CSMD1: variants seen among roughly 807,000 people sequenced by gnomAD.
CSMD1 encodes the protein CUB and sushi domain-containing protein 1.
CSMD1 carries 213 observed loss-of-function variants against 417.5 expected under a neutral mutation model. That is an observed-to-expected ratio of 0.51 (90% CI 0.46 to 0.57). CSMD1 has a LOEUF of 0.57. Ranked by LOEUF, CSMD1 falls within the 20% of genes least tolerant of loss-of-function variation. The probability of loss-of-function intolerance (pLI) is 0.00; values close to 1 mark genes in which losing one functional copy is unlikely to be tolerated. For synonymous variants in CSMD1, 2,862 were observed against 1,736.8 expected, an observed-to-expected ratio of 1.65 and a Z score of -16.11; for missense variants, 6,923 against 4,529.7, an observed-to-expected ratio of 1.53 and a Z score of -15.17.
intron 1 of CSMD1, among the ~76,000 whole-genome samples, chr8:4,695,600 C>A (rs889118571): frequency 6.6e-6 from 1 of 152,096 alleles, no homozygotes; most frequent in Admixed American, 6.5e-5. Context: ...ATCCCCCCCA[C>A]CACACAGCCT....
intron 1 of CSMD1, among the ~76,000 whole-genome samples, chr8:4,734,338 G>A (rs1585017025): frequency 6.6e-6 from 1 of 152,116 alleles, no homozygotes; most frequent in East Asian, 1.9e-4. Context: ...TCACAGTATA[G>A]CTTATTATAT....
At chr8:4,084,650 C>A (rs1435546701) in intron 3 of CSMD1, among the ~76,000 whole-genome samples, 1 of 152,040 alleles carries the variant, frequency 6.6e-6, no homozygotes, top group East Asian at 1.9e-4. Context: ...AGTGATGGCA[C>A]AACATTAGCA....
At chr8:4,261,823 T>C (rs1158499329) in intron 3 of CSMD1, among the ~76,000 whole-genome samples, 1 of 152,218 alleles carries the variant, frequency 6.6e-6, no homozygotes, top group Non-Finnish European at 1.5e-5. Context: ...TCACATTATA[T>C]ACCTTATATG....
intron 3 of CSMD1, among the ~76,000 whole-genome samples, chr8:4,112,205 G>A (rs1801893313): frequency 6.6e-6 from 1 of 152,104 alleles, no homozygotes; most frequent in Admixed American, 6.5e-5. Context: ...TCAAGAACCA[G>A]TAACACCTCT....
intron 26 of CSMD1, among the ~76,000 whole-genome samples, chr8:3,247,731 C>A (rs1445609427): frequency 6.6e-6 from 1 of 152,148 alleles, no homozygotes; most frequent in African/African-American, 2.4e-5. Context: ...CATGTGCAGG[C>A]ACAGAATGAA....
chr8:3,671,330 A>G (rs967501146), intron 7 of CSMD1, among the ~76,000 whole-genome samples: 8 of 148,218 alleles, frequency 5.4e-5, no homozygotes, highest in Non-Finnish European at 7.4e-5. Flanking sequence ...TTATGTGGAA[A>G]TTATTACATG....
At chr8:4,731,712 A>G (rs1417259774) in intron 1 of CSMD1, among the ~76,000 whole-genome samples, 1 of 152,148 alleles carries the variant, frequency 6.6e-6, no homozygotes, top group African/African-American at 2.4e-5. Flanking sequence ...CAATGGGTTC[A>G]CGAGGACCCA....
At chr8:4,467,122 T>TAAAAAAAAAAAAAAAAA (rs35481238) in intron 2 of CSMD1, among the ~76,000 whole-genome samples, 1 of 86,246 alleles carries the variant, frequency 1.2e-5, no homozygotes, top group East Asian at 3.4e-4. Flanking sequence ...TTCTTCAGAG[T>TAAAAAAAAAAAAAAAAA]AAAAAAAAAA....
At chr8:3,881,834 A>T (rs1219898395) in intron 5 of CSMD1, among the ~76,000 whole-genome samples, 1 of 152,120 alleles carries the variant, frequency 6.6e-6, no homozygotes, top group African/African-American at 2.4e-5. Flanking sequence ...AAGCAAATCC[A>T]CACTGCTCAG....
intron 1 of CSMD1, among the ~76,000 whole-genome samples, chr8:4,904,726 T>C (rs1361415145): frequency 2.0e-5 from 3 of 152,326 alleles, no homozygotes; most frequent in Admixed American, 1.3e-4. Flanking sequence ...GTAAATGTGA[T>C]CTTAAAGCAA....
At chr8:4,504,907 A>G (rs1802443435) in intron 2 of CSMD1, among the ~76,000 whole-genome samples, 1 of 152,166 alleles carries the variant, frequency 6.6e-6, no homozygotes, top group South Asian at 2.1e-4. Flanking sequence ...GTTGGTTCCA[A>G]GTCTTTGTTA....
chr8:3,911,926 T>A (rs1808491163), intron 5 of CSMD1, among the ~76,000 whole-genome samples: 1 of 152,228 alleles, frequency 6.6e-6, no homozygotes, highest in African/African-American at 2.4e-5. Flanking sequence ...GATTCTCCTC[T>A]ATGTGTTTTC....
rs1317907258 is a variant in CSMD1 at position 3,201,649 on chromosome 8, C to G, written c.5061G>C (p.Gln1687His). 1 of 1,606,052 alleles carries G rather than the reference C, an allele frequency of 6.2e-7. No homozygotes were observed. The highest frequency in any genetic ancestry group is 8.5e-7 in the Non-Finnish European group (1 of 1,176,138). Residue 1687 changes from glutamine (Q) to histidine (H), a missense_variant, in exon 32 of 70, where the codon CAG (glutamine) becomes CAC (histidine). Gln to His is a conservative substitution (Grantham distance 24). Transcript: ENST00000635120. Reference sequence around the variant, plus strand: ...CCGAGAGTGAGCTGAGAAGTCTGGCCTGTGCATGGGTTCCATCAAATAATT... The same window carrying G: ...CCGAGAGTGAGCTGAGAAGTCTGGCGTGTGCATGGGTTCCATCAAATAATT... Reference protein sequence around the residue: ...LAELFDGTHAQARLLSSLSGS... With the variant: ...LAELFDGTHAHARLLSSLSGS...
chr8:4,144,533 C>T (rs920393931), intron 3 of CSMD1, among the ~76,000 whole-genome samples: 1 of 151,048 alleles, frequency 6.6e-6, no homozygotes, highest in Non-Finnish European at 1.5e-5. Flanking sequence ...TACCCCTTCC[C>T]TCCAGAATCT....
chr8:3,613,258 C>G (rs1393619690), intron 8 of CSMD1: 2 of 421,910 alleles, frequency 4.7e-6, no homozygotes, highest in Non-Finnish European at 9.5e-6. Context: ...AAAAGAAATT[C>G]AATCCGTAAT....
At chr8:3,605,288 A>T (rs2449168) in intron 8 of CSMD1, among the ~76,000 whole-genome samples, 1 of 151,996 alleles carries the variant, frequency 6.6e-6, no homozygotes, top group Non-Finnish European at 1.5e-5. Context: ...TCGCGCCCAG[A>T]TGAAAGCAAT....
rs373366226 is a variant in CSMD1, at chr8:2,942,540, C to T, written c.10467G>A (p.Ala3489=). 2.2e-5 allele frequency: 35 copies of T among 1,609,836 alleles called. No individual in the cohort carries two copies. The highest frequency in any genetic ancestry group is 5.3e-5 in the African/African-American group (4 of 74,814). Residue 3489 remains alanine (A), a synonymous_variant, in exon 69 of 70, where the codon GCG becomes GCA. Transcript: ENST00000635120. Reference sequence around the variant, plus strand: ...CAAAGAAAGGAACCAGAATGGCAGCCGCCACAGAGCCACTGCTGGTGCCGT... The same window carrying T: ...CAAAGAAAGGAACCAGAATGGCAGCTGCCACAGAGCCACTGCTGGTGCCGT... The part of the protein sequence containing the change: ...HYHGTSSGSV[A]AAILVPFFAL...
chr8:4,400,052 T>C (rs1331737360), intron 3 of CSMD1, among the ~76,000 whole-genome samples: 3 of 152,164 alleles, frequency 2.0e-5, no homozygotes, highest in Non-Finnish European at 4.4e-5. Flanking sequence ...AATTAACTTA[T>C]GGACAGTATC....
intron 2 of CSMD1, among the ~76,000 whole-genome samples, chr8:4,491,374 T>C (rs1385481116): frequency 3.3e-5 from 5 of 152,148 alleles, no homozygotes; most frequent in African/African-American, 1.2e-4. Flanking sequence ...CAACATCCAT[T>C]ATAGCGATCA....
Sources: gnomAD v4.1 joint callset for allele counts (sites outside exome capture counted in the v4.1 genomes callset) on GRCh38, gnomAD v4.1.1 for gene constraint, MANE v1.5 for transcripts, NCBI Gene and HGNC (gene_info 2026-07-23, HGNC 2026-07-21) for gene names.